The following ARMC1 variants were observed in gnomAD, a reference collection of about 807,000 sequenced individuals.
ARMC1 encodes the protein armadillo repeat-containing protein 1.
ARMC1 carries 16 observed loss-of-function variants against 31.4 expected under a neutral mutation model. That is an observed-to-expected ratio of 0.51 (90% CI 0.34 to 0.77). The LOEUF is 0.77. Among genes scored for constraint, ARMC1 ranks in the 30% least tolerant of loss-of-function variants. The probability of loss-of-function intolerance (pLI) is 0.01; values close to 1 mark genes in which losing one functional copy is unlikely to be tolerated. For missense variants in ARMC1, 259 were observed against 347.5 expected (o/e 0.75, Z 2.02); for synonymous variants, 114 against 118.9 (o/e 0.96, Z 0.27).
rs373766316 is a variant in ARMC1 at position 65,604,278 on chromosome 8, G to A, written c.*116C>T. 1.6e-4 allele frequency: 146 copies of A among 931,216 alleles called. No individual in the cohort carries two copies. The highest frequency in any genetic ancestry group is 4.5e-4 in the East Asian group (18 of 40,168). The allele number at this position is 931,216 out of a possible 1,614,324, so 57.7% of individuals were successfully genotyped here. A position where few individuals can be genotyped will look rare whatever the true frequency, so the allele number is the denominator to read the frequency against. On this transcript the variant is annotated 3_prime_UTR_variant, in exon 7 of 7. Transcript: ENST00000276569. ...AACGTGAAATGCAGCATATGCGATC[G>A]TGTAATCTAAAAACTTTTCATGATA...
chr8:65,630,276 T>C (rs1305011629), intron 1 of ARMC1, among the ~76,000 whole-genome samples: 1 of 152,210 alleles, frequency 6.6e-6, no homozygotes, highest in East Asian at 1.9e-4. Context: ...CATAACATCA[T>C]TTTGTACCCC....
chr8:65,629,798 CAAAA>C (rs56044753), intron 1 of ARMC1, among the ~76,000 whole-genome samples: 9 of 101,326 alleles, frequency 8.9e-5, no homozygotes, highest in African/African-American at 1.5e-4. Flanking sequence ...GACTCCGTCT[CAAAA>C]AAAAAAAAAA....
At chr8:65,626,884 G>A (rs1415762614) in intron 2 of ARMC1, among the ~76,000 whole-genome samples, 3 of 151,986 alleles carry the variant, frequency 2.0e-5, no homozygotes, top group South Asian at 2.1e-4. Flanking sequence ...GCATGGTGGT[G>A]TGTGCCTATC....
At chr8:65,616,550 G>A (rs1167041743) in intron 3 of ARMC1, among the ~76,000 whole-genome samples, 6 of 152,218 alleles carry the variant, frequency 3.9e-5, no homozygotes, top group South Asian at 2.1e-4. Context: ...CTGCCCGGCC[G>A]CCACCCCGTC....
chr8:65,609,857 C>CAA (rs35519675), intron 4 of ARMC1, among the ~76,000 whole-genome samples: 25 of 93,054 alleles, frequency 2.7e-4, no homozygotes, highest in South Asian at 7.2e-4. Context: ...GACTCTGTCT[C>CAA]AAAAAAAAAA....
rs781374786 is a variant in ARMC1 at position 65,604,480 on chromosome 8, C to T, written c.763G>A (p.Val255Met). The T allele has an allele frequency of 1.2e-6, 2 of 1,614,174 alleles. No homozygotes were observed. The highest frequency in any genetic ancestry group is 1.7e-6 in the Non-Finnish European group (2 of 1,180,040). Residue 255 changes from valine to methionine, a missense_variant, in exon 7 of 7, where the codon GTG becomes ATG. Coordinates refer to ENST00000276569, the MANE Select transcript of ARMC1 (RefSeq NM_018120.6). ...ESPTKEQDKA[V>M]SRVGSHPEGG... Reference sequence around the variant, plus strand: ...TCTGGGTGTGAGCCGACCCGGGACACCGCTTTGTCCTGTTCCTTTGTGGGA... The same window carrying T: ...TCTGGGTGTGAGCCGACCCGGGACATCGCTTTGTCCTGTTCCTTTGTGGGA...
chr8:65,627,016 T>G (rs1283343911), intron 2 of ARMC1, among the ~76,000 whole-genome samples, 200 bp downstream of exon 2: 2 of 147,998 alleles, frequency 1.4e-5, no homozygotes, highest in South Asian at 2.1e-4. Context: ...AAAAAAAAAA[T>G]AAAGAATAAA....
intron 4 of ARMC1, among the ~76,000 whole-genome samples, chr8:65,611,636 C>A (rs934766155): frequency 6.6e-6 from 1 of 151,932 alleles, no homozygotes; most frequent in African/African-American, 2.4e-5. Context: ...GACTTGATAC[C>A]CTTTCTTTTT....
chr8:65,610,301 G>A (rs955493157), intron 4 of ARMC1, among the ~76,000 whole-genome samples: 5 of 151,058 alleles, frequency 3.3e-5, no homozygotes, highest in Admixed American at 2.0e-4. Context: ...GTTTCACCAC[G>A]TTGGCCAGGC....
At chr8:65,623,254 G>C (rs1808433203) in intron 2 of ARMC1, among the ~76,000 whole-genome samples, 1 of 144,792 alleles carries the variant, frequency 6.9e-6, no homozygotes, top group South Asian at 2.2e-4. Flanking sequence ...GTTGCAGTGA[G>C]CCGAGATCGT....
At chr8:65,607,910 T>TA (rs947360310) in intron 4 of ARMC1, among the ~76,000 whole-genome samples, 1 of 152,020 alleles carries the variant, frequency 6.6e-6, no homozygotes, top group South Asian at 2.1e-4. Flanking sequence ...TCATTAAGTT[T>TA]AAAAAAACAA....
chr8:65,629,154 CAAAA>C (rs761505047), intron 1 of ARMC1, among the ~76,000 whole-genome samples: 2 of 77,058 alleles, frequency 2.6e-5, no homozygotes, highest in Non-Finnish European at 2.6e-5. Flanking sequence ...GACTCCATCT[CAAAA>C]AAAAAAAAAA....
rs1041296462 is a variant in ARMC1, at chr8:65,616,549, C to T, written c.276-3116G>A. 5.1e-4 allele frequency among the ~76,000 whole-genome samples: 78 copies of T among 152,046 alleles called. 1 individual carries two copies. Among genetic ancestry groups the T allele is most frequent in the Non-Finnish European group, 2.8e-4 (19 of 68,002 alleles). ...GCCGAGATTGCAGCCTCTGCCCGGCCGCCACCCCGTCTGGGAAGTGAGGAG... is the reference window on the plus strand; with the variant it reads ...GCCGAGATTGCAGCCTCTGCCCGGCTGCCACCCCGTCTGGGAAGTGAGGAG... On this transcript the variant is annotated intron_variant, in intron 3 of 6. Coordinates refer to ENST00000276569, the MANE Select transcript of ARMC1 (RefSeq NM_018120.6).
intron 1 of ARMC1, among the ~76,000 whole-genome samples, chr8:65,632,055 T>C (rs1385763305): frequency 6.6e-6 from 1 of 152,226 alleles, no homozygotes; most frequent in East Asian, 1.9e-4. Flanking sequence ...TGGATGGCAG[T>C]GGCAGAGCCA....
chr8:65,625,368 C>T (rs1425939910), intron 2 of ARMC1, among the ~76,000 whole-genome samples: 3 of 152,160 alleles, frequency 2.0e-5, no homozygotes, highest in Non-Finnish European at 4.4e-5. Flanking sequence ...GAGCCTACAA[C>T]AGGCCTGAAT....
At chr8:65,616,331 C>T (rs1007479163) in intron 3 of ARMC1, among the ~76,000 whole-genome samples, 8 of 152,310 alleles carry the variant, frequency 5.3e-5, no homozygotes, top group East Asian at 1.9e-4. Flanking sequence ...GAGGGGGTTT[C>T]GCTGTGTTGG....
At chr8:65,604,892 G>A (rs551139324) in intron 6 of ARMC1, among the ~76,000 whole-genome samples, 87 of 152,282 alleles carry the variant, frequency 5.7e-4, no homozygotes, top group African/African-American at 1.9e-3. Flanking sequence ...TGAGCTCAAG[G>A]TATATTTGTT....
chr8:65,604,565 A>G lies in ARMC1; in HGVS notation c.678T>C (p.Asp226=). The G allele has an allele frequency of 1.2e-6, 2 of 1,613,660 alleles. No homozygotes were observed. The highest frequency in any genetic ancestry group is 1.7e-6 in the Non-Finnish European group (2 of 1,179,920). Residue 226 remains aspartate (D), a synonymous_variant, in exon 7 of 7, where the codon GAT becomes GAC. Coordinates refer to ENST00000276569, the MANE Select transcript of ARMC1 (RefSeq NM_018120.6). The stretch of plus-strand genomic sequence containing the variant: ...TGTTCTGTTCAACTTCCACAGGAGT[A>G]TCTTGGAATGGGACCAACATCTGAT... ...SGEEMLVPFQ[D]TPVEVEQNTE...
At chr8:65,618,807 G>T (rs1808331765) in intron 3 of ARMC1, among the ~76,000 whole-genome samples, 1 of 151,820 alleles carries the variant, frequency 6.6e-6, no homozygotes, top group African/African-American at 2.4e-5. Flanking sequence ...ACTTTGGGAG[G>T]CCGAGGTGAG....
Sources: gnomAD v4.1 joint callset for allele counts (sites outside exome capture counted in the v4.1 genomes callset) on GRCh38, gnomAD v4.1.1 for gene constraint, MANE v1.5 for transcripts, NCBI Gene and HGNC (gene_info 2026-07-23, HGNC 2026-07-21) for gene names.